Variants in IMMP2L observed in about 807,000 individuals in gnomAD.
IMMP2L encodes the protein mitochondrial inner membrane protease subunit 2.
A neutral mutation model predicts 19.3 loss-of-function variants in IMMP2L; 18 were observed. The observed-to-expected ratio is 0.93, with a 90% CI of 0.64 to 1.38. The LOEUF (loss-of-function observed/expected upper bound fraction) is 1.38, where lower values mean the gene tolerates loss of function less well. IMMP2L is among the 40% of genes most tolerant of loss of function. The pLI, the probability that IMMP2L is intolerant of heterozygous loss-of-function variation, is 0.00. For synonymous variants in IMMP2L, 76 were observed against 73.0 expected, an observed-to-expected ratio of 1.04 and a Z score of -0.21; for missense variants, 233 against 218.2, an observed-to-expected ratio of 1.07 and a Z score of -0.43.
At chr7:110,729,256 A>C (rs947633645) in intron 5 of IMMP2L, among the ~76,000 whole-genome samples, 1 of 152,182 alleles carries the variant, frequency 6.6e-6, no homozygotes, top group African/African-American at 2.4e-5. Context: ...AAGAAGTCTA[A>C]TTGACTCACA....
At chr7:110,973,120 C>A (rs951115207) in intron 3 of IMMP2L, among the ~76,000 whole-genome samples, 1 of 151,596 alleles carries the variant, frequency 6.6e-6, no homozygotes, top group Non-Finnish European at 1.5e-5. Flanking sequence ...TGACTCTAGT[C>A]AATAATAATG....
At chr7:111,504,713 C>A (rs1247097227) in intron 2 of IMMP2L, among the ~76,000 whole-genome samples, 7 of 152,108 alleles carry the variant, frequency 4.6e-5, no homozygotes, top group African/African-American at 1.2e-4. Flanking sequence ...CAAAAACAAG[C>A]AATGGGGAAA....
chr7:111,255,593 C>T (rs1253506054), intron 3 of IMMP2L, among the ~76,000 whole-genome samples: 1 of 151,792 alleles, frequency 6.6e-6, no homozygotes, highest in Non-Finnish European at 1.5e-5. Flanking sequence ...TCATTTTACC[C>T]TAATAAAATC....
intron 3 of IMMP2L, among the ~76,000 whole-genome samples, chr7:111,427,671 C>T (rs564779556): frequency 1.3e-5 from 2 of 151,840 alleles, no homozygotes; most frequent in Admixed American, 1.3e-4. Flanking sequence ...CTGGGAACAA[C>T]CTTGGAAAAG....
chr7:110,984,993 T>C (rs547905377), intron 3 of IMMP2L, among the ~76,000 whole-genome samples: 1 of 151,816 alleles, frequency 6.6e-6, no homozygotes, highest in Non-Finnish European at 1.5e-5. Context: ...GGGAAAGAGG[T>C]GGCAGAAAAA....
At chr7:111,442,664 C>CA (rs1407383891) in intron 3 of IMMP2L, among the ~76,000 whole-genome samples, 3 of 151,220 alleles carry the variant, frequency 2.0e-5, no homozygotes, top group South Asian at 2.1e-4. Flanking sequence ...CAACAACTAA[C>CA]AAAAAAAACA....
chr7:111,464,937 C>T (rs746319262), intron 3 of IMMP2L, among the ~76,000 whole-genome samples: 9 of 152,172 alleles, frequency 5.9e-5, no homozygotes, highest in South Asian at 2.1e-4. Context: ...TACAGGCGCC[C>T]GCCACCAGGC....
chr7:110,821,763 GA>G (rs879444378), intron 5 of IMMP2L, among the ~76,000 whole-genome samples: 9 of 148,408 alleles, frequency 6.1e-5, no homozygotes, highest in Admixed American at 1.3e-4. Context: ...ATTACAAAAA[GA>G]AAAAAAAAAT....
intron 3 of IMMP2L, among the ~76,000 whole-genome samples, chr7:111,233,464 T>G (rs183292679): frequency 4.1e-4 from 62 of 152,150 alleles, no homozygotes; most frequent in African/African-American, 1.4e-3. Context: ...ATTGACAAAC[T>G]GACTATATAA....
intron 3 of IMMP2L, among the ~76,000 whole-genome samples, chr7:111,348,627 C>T (rs1423797794): frequency 1.3e-5 from 2 of 152,102 alleles, no homozygotes; most frequent in African/African-American, 4.8e-5. Flanking sequence ...GTCTGCCCTA[C>T]GAATAAGATC....
intron 1 of IMMP2L, among the ~76,000 whole-genome samples, chr7:111,551,937 G>C (rs1421070569): frequency 6.6e-6 from 1 of 152,094 alleles, no homozygotes; most frequent in African/African-American, 2.4e-5. Context: ...AGTACTAAAA[G>C]AGAAATACAA....
chr7:110,910,938 T>C (rs928759451), intron 4 of IMMP2L, among the ~76,000 whole-genome samples: 1 of 152,112 alleles, frequency 6.6e-6, no homozygotes, highest in Non-Finnish European at 1.5e-5. Context: ...GTTAATGTTA[T>C]TGTGATTGAA....
At chr7:110,891,596 A>C (rs1398386564) in intron 4 of IMMP2L, among the ~76,000 whole-genome samples, 4 of 152,222 alleles carry the variant, frequency 2.6e-5, no homozygotes, top group Non-Finnish European at 5.9e-5. Context: ...ACAAACTTCA[A>C]ATACTGGATT....
intron 5 of IMMP2L, among the ~76,000 whole-genome samples, chr7:110,682,455 G>T (rs1246755516): frequency 2.0e-5 from 3 of 152,124 alleles, no homozygotes; most frequent in African/African-American, 7.2e-5. Flanking sequence ...ATGGAAAGAT[G>T]CTCAAAAAAG....
intron 3 of IMMP2L, among the ~76,000 whole-genome samples, chr7:111,470,311 C>G (rs1467885120): frequency 0.011 from 1,627 of 149,706 alleles, 38 homozygotes; most frequent in African/African-American, 0.039. Flanking sequence ...GTGGAAGTCA[C>G]TGTGGTGATT....
At chr7:111,401,047 T>C (rs1360856963) in intron 3 of IMMP2L, among the ~76,000 whole-genome samples, 2 of 152,172 alleles carry the variant, frequency 1.3e-5, no homozygotes, top group African/African-American at 4.8e-5. Context: ...TCCATAAATG[T>C]TGGGAGTAAG....
At chr7:110,754,423 T>G (rs1797920865) in intron 5 of IMMP2L, among the ~76,000 whole-genome samples, 1 of 152,068 alleles carries the variant, frequency 6.6e-6, no homozygotes. Flanking sequence ...TTGTACTTTT[T>G]GTAGAAATCT....
chr7:110,775,395 A>AT (rs1799317912), intron 5 of IMMP2L, among the ~76,000 whole-genome samples: 1 of 151,978 alleles, frequency 6.6e-6, no homozygotes, highest in African/African-American at 2.4e-5. Context: ...AAACAGAAAA[A>AT]TTCTATTTAA....
chr7:111,143,584 C>G (rs1015701504), intron 3 of IMMP2L, among the ~76,000 whole-genome samples: 1 of 152,118 alleles, frequency 6.6e-6, no homozygotes, highest in East Asian at 1.9e-4. Flanking sequence ...TTTTCCTTTG[C>G]TTATAAATTC....
Sources: allele counts gnomAD v4.1 joint callset (sites outside exome capture counted in the v4.1 genomes callset), GRCh38; gene constraint gnomAD v4.1.1; transcripts MANE v1.5; gene names NCBI Gene and HGNC (gene_info 2026-07-23, HGNC 2026-07-21).